L3MBTL4: variants seen among roughly 807,000 people sequenced by gnomAD.
L3MBTL4 encodes the protein L3MBTL histone methyl-lysine binding protein 4, also known as lethal(3)malignant brain tumor-like protein 4.
Under a neutral mutation model 84.5 loss-of-function variants are expected in L3MBTL4, and 70 were observed. That is an observed-to-expected ratio of 0.83 (90% CI 0.68 to 1.01). The LOEUF (loss-of-function observed/expected upper bound fraction) is 1.01. Among genes scored for constraint, L3MBTL4 ranks in the 50% least tolerant of loss-of-function variants. The pLI, the probability that L3MBTL4 is intolerant of heterozygous loss-of-function variation, is 0.00. For synonymous variants in L3MBTL4, 274 were observed against 259.8 expected (o/e 1.05, Z -0.52); for missense variants, 715 against 754.8 (o/e 0.95, Z 0.62).
chr18:5,984,016 A>G (rs1027508571), intron 16 of L3MBTL4, among the ~76,000 whole-genome samples: 1 of 152,116 alleles, frequency 6.6e-6, no homozygotes, highest in Non-Finnish European at 1.5e-5. Context: ...GGTTCAAGCA[A>G]TTCTCCTGCC....
chr18:6,355,455 C>T (rs766364113), intron 1 of L3MBTL4, among the ~76,000 whole-genome samples: 10 of 150,680 alleles, frequency 6.6e-5, no homozygotes, highest in Non-Finnish European at 1.0e-4. Context: ...AAAAGAAAAA[C>T]CTGAAAGTCA....
intron 16 of L3MBTL4, among the ~76,000 whole-genome samples, chr18:5,981,890 A>C (rs2053237812): frequency 6.6e-6 from 1 of 152,096 alleles, no homozygotes; most frequent in Non-Finnish European, 1.5e-5. Context: ...CTTCTAGAAT[A>C]AATATCTCCC....
intron 13 of L3MBTL4, among the ~76,000 whole-genome samples, chr18:6,155,976 A>G (rs1363487183): frequency 1.3e-5 from 2 of 152,190 alleles, no homozygotes; most frequent in African/African-American, 2.4e-5. Context: ...TTCTAATACC[A>G]TGAAAGACAA....
In L3MBTL4 at chr18:6,383,485, T is replaced by C. The variant is rs142566013; in HGVS notation, c.-91+31316A>G. Reference sequence around the variant, plus strand: ...CCTGGTCTGCAGGTTGTGAAGACCATGGGAAAAGTGCAGTATCTGGGCTGG... The same window carrying C: ...CCTGGTCTGCAGGTTGTGAAGACCACGGGAAAAGTGCAGTATCTGGGCTGG... On this transcript the variant is annotated intron_variant, in intron 1 of 18. Transcript: ENST00000317931. Among the ~76,000 whole-genome samples, 502 of 152,228 alleles carry C rather than the reference T, an allele frequency of 3.3e-3. 1 individual carries two copies. Among genetic ancestry groups the C allele is most frequent in the African/African-American group, 0.012 (483 of 41,544 alleles).
chr18:6,119,497 T>C (rs2059460619), intron 14 of L3MBTL4, among the ~76,000 whole-genome samples: 1 of 151,698 alleles, frequency 6.6e-6, no homozygotes, highest in South Asian at 2.1e-4. Context: ...AACGTGTGGG[T>C]GGTAGGGGTG....
Position 6,140,696 on chromosome 18 carries a change from T to C in L3MBTL4, c.1097-2400A>G, listed in dbSNP as rs1339817654. 5.9e-5 allele frequency among the ~76,000 whole-genome samples: 9 copies of C among 152,126 alleles called. No homozygotes were observed. In the East Asian group the frequency reaches 1.7e-3, roughly 30 times the overall value. On this transcript the variant is annotated intron_variant, in intron 13 of 18. Coordinates refer to ENST00000317931, the MANE Select transcript of L3MBTL4 (RefSeq NM_001330559.2). Reference sequence around the variant, plus strand: ...TCTCCAGGATCTGTAAGCTATGAGGTATTTTAATCACTCCTTGACTATTGA... The same window carrying C: ...TCTCCAGGATCTGTAAGCTATGAGGCATTTTAATCACTCCTTGACTATTGA...
At chr18:6,012,669 A>T (rs1293260973) in intron 16 of L3MBTL4, among the ~76,000 whole-genome samples, 1 of 149,430 alleles carries the variant, frequency 6.7e-6, no homozygotes, top group African/African-American at 2.5e-5. Flanking sequence ...TACAAAATTA[A>T]AAAAAAAAAA....
chr18:6,343,661 C>CAAAA (rs1192917126), intron 1 of L3MBTL4, among the ~76,000 whole-genome samples: 1 of 85,828 alleles, frequency 1.2e-5, no homozygotes, highest in African/African-American at 3.8e-5. Flanking sequence ...GACACCATAT[C>CAAAA]AAAAAAAAAA....
chr18:5,995,616 G>A (rs142467593), intron 16 of L3MBTL4, among the ~76,000 whole-genome samples: 57 of 152,322 alleles, frequency 3.7e-4, no homozygotes, highest in Admixed American at 1.6e-3. Context: ...GACCAAGAAT[G>A]AGCCTTCGCA....
rs60294342 is a variant in L3MBTL4, at chr18:6,004,997, A to ATTTTTTTTTTT, written c.1445-35446_1445-35436dup. On this transcript the variant is annotated intron_variant, in intron 16 of 18. Coordinates refer to ENST00000317931, the MANE Select transcript of L3MBTL4 (RefSeq NM_001330559.2). ...ACACATAAAAATGGTTAAGATGATA[A>ATTTTTTTTTTT]TTTTTTTTTTTTTTTTTTTTTTTTT... 3.8e-3 allele frequency among the ~76,000 whole-genome samples: 198 copies of ATTTTTTTTTTT among 52,074 alleles called. 10 individuals are homozygous for ATTTTTTTTTTT. Among genetic ancestry groups the ATTTTTTTTTTT allele is most frequent in the East Asian group, 4.7e-3 (7 of 1,502 alleles). The allele number at this position is 52,074 out of a possible 152,430, so 34.2% of individuals were successfully genotyped here.
intron 10 of L3MBTL4, among the ~76,000 whole-genome samples, chr18:6,225,534 T>C (rs1195539662): frequency 1.3e-5 from 2 of 152,074 alleles, no homozygotes; most frequent in African/African-American, 4.8e-5. Context: ...CCAAGGCAGG[T>C]GGATAGGTTG....
At chr18:6,001,966 C>A (rs998090025) in intron 16 of L3MBTL4, among the ~76,000 whole-genome samples, 4 of 152,098 alleles carry the variant, frequency 2.6e-5, no homozygotes, top group African/African-American at 9.7e-5. Flanking sequence ...GTAAAGTAAA[C>A]CTCAAGAAGA....
At chr18:5,996,620 C>T (rs2053984290) in intron 16 of L3MBTL4, among the ~76,000 whole-genome samples, 2 of 152,124 alleles carry the variant, frequency 1.3e-5, no homozygotes, top group South Asian at 4.1e-4. Flanking sequence ...CTCAGAGAAG[C>T]TTTTCCGTGG....
intron 13 of L3MBTL4, among the ~76,000 whole-genome samples, chr18:6,140,528 C>T (rs556532237): frequency 4.6e-5 from 7 of 152,240 alleles, no homozygotes; most frequent in African/African-American, 1.2e-4. Flanking sequence ...TGCTGAGGAC[C>T]AGGAGCCCAT....
chr18:5,969,298 T>C (rs1357591217), intron 17 of L3MBTL4, 95 bp downstream of exon 17: 9 of 1,374,338 alleles, frequency 6.5e-6, no homozygotes, highest in Non-Finnish European at 8.2e-6. Context: ...AAAAGGGCGC[T>C]GTCCCAGACA....
chr18:6,194,349 G>C (rs1299271955), intron 12 of L3MBTL4, among the ~76,000 whole-genome samples: 1 of 152,210 alleles, frequency 6.6e-6, no homozygotes, highest in East Asian at 1.9e-4. Flanking sequence ...TCCCGCCTCT[G>C]TAAACCGGCC....
chr18:6,252,932 G>A (rs185527997), intron 5 of L3MBTL4, among the ~76,000 whole-genome samples: 25 of 152,280 alleles, frequency 1.6e-4, no homozygotes, highest in South Asian at 4.1e-4. Flanking sequence ...GGCCGGGTGC[G>A]GTGGCTCACG....
chr18:6,035,946 C>T (rs9964349), intron 16 of L3MBTL4, among the ~76,000 whole-genome samples: 5,913 of 152,232 alleles, frequency 0.039, 376 homozygotes, highest in African/African-American at 0.14. Context: ...TAAAACCTCC[C>T]TTGCTTTTAA....
chr18:6,093,371 C>A lies in L3MBTL4; in HGVS notation c.1357G>T (p.Val453Leu), dbSNP rs549638211. ...SLNFNGKHEK[V>L]NSQPRLVQQA... is the part of the protein sequence containing the mutation. ...GTTTCTTACCTGGGCTGACTGTTCA[C>A]CTTTTCATGTTTTCCATTGAAGTTC... is the stretch of plus-strand genomic sequence containing the variant. The change falls in exon 15 of 19, where the codon GTG (valine) becomes TTG (leucine). Residue 453 changes from valine (V) to leucine (L), a missense_variant. Val to Leu is a conservative substitution (Grantham distance 32). Coordinates refer to ENST00000317931, the MANE Select transcript of L3MBTL4 (RefSeq NM_001330559.2). 1 of 1,610,402 alleles carries A rather than the reference C, an allele frequency of 6.2e-7. No homozygotes were observed. Among genetic ancestry groups the A allele is most frequent in the East Asian group, 2.2e-5 (1 of 44,704 alleles).
Sources: allele counts gnomAD v4.1 joint callset (sites outside exome capture counted in the v4.1 genomes callset), GRCh38; gene constraint gnomAD v4.1.1; transcripts MANE v1.5; gene names NCBI Gene and HGNC (gene_info 2026-07-23, HGNC 2026-07-21).